CFAP251: variants seen among roughly 807,000 people sequenced by gnomAD.
CFAP251 encodes the protein cilia and flagella associated protein 251.
A neutral mutation model predicts 126.7 loss-of-function variants in CFAP251; 93 were observed. That is an observed-to-expected ratio of 0.73 (90% CI 0.62 to 0.87). The LOEUF is 0.87. Among genes scored for constraint, CFAP251 ranks in the 40% least tolerant of loss-of-function variants. CFAP251 has a pLI of 0.00. For synonymous variants in CFAP251, 503 were observed against 506.9 expected (o/e 0.99, Z 0.10); for missense variants, 1,287 against 1,389.2 (o/e 0.93, Z 1.17).
intron 8 of CFAP251, chr12:121,951,213 C>T: frequency 3.6e-6 from 1 of 279,738 alleles, no homozygotes; most frequent in East Asian, 6.0e-5. Flanking sequence ...AGATGTGTTT[C>T]TGCTTGAAGA....
At chr12:121,973,781 C>T (rs1489942641) in intron 17 of CFAP251, among the ~76,000 whole-genome samples, 5 of 152,138 alleles carry the variant, frequency 3.3e-5, no homozygotes, top group Non-Finnish European at 1.5e-5. Flanking sequence ...TTGGAATGGC[C>T]GTATTTACCC....
intron 19 of CFAP251, among the ~76,000 whole-genome samples, chr12:121,987,289 G>T (rs1277724567): frequency 6.7e-6 from 1 of 149,396 alleles, no homozygotes; most frequent in African/African-American, 2.6e-5. Flanking sequence ...AGAGTCCGTG[G>T]CCAGGCCCCT....
At chr12:121,941,453 C>T (rs1374626425) in intron 5 of CFAP251, among the ~76,000 whole-genome samples, 2 of 151,202 alleles carry the variant, frequency 1.3e-5, no homozygotes, top group Non-Finnish European at 2.9e-5. Flanking sequence ...CCCACCTCAG[C>T]CTCCCAAGTA....
rs139634813 is a variant in CFAP251 at position 121,959,414 on chromosome 12, T to G, written c.2133+320T>G. On this transcript the variant is annotated intron_variant, in intron 13 of 21. Coordinates refer to ENST00000288912, the MANE Select transcript of CFAP251 (RefSeq NM_144668.6). ...TATAAGGCAGGTATGTTGGTCTGCC[T>G]TTATGTTGGGAGGGAAAAGCAGTGG... is the stretch of plus-strand genomic sequence containing the variant. The G allele has an allele frequency of 2.0e-3, 423 of 213,608 alleles. 1 individual carries two copies. Among genetic ancestry groups the G allele is most frequent in the African/African-American group, 9.5e-3 (412 of 43,466 alleles). 13.2% of individuals were successfully genotyped at this position (213,608 alleles called of 1,614,324 possible). A position where few individuals can be genotyped will look rare whatever the true frequency, so the allele number is the denominator to read the frequency against.
rs1266565550 is a variant in CFAP251, at chr12:121,959,071, G to A, written c.2110G>A (p.Asp704Asn). Reference protein sequence around the residue: ...TSVTHISFSHDSQYMATADRS... With the variant: ...TSVTHISFSHNSQYMATADRS... ...TGTGACTCATATAAGCTTTTCCCAT[G>A]ACTCCCAGTATATGGCAACTGCTGT... Residue 704 changes from aspartate (D) to asparagine (N), a missense_variant, in exon 13 of 22, where the codon GAC becomes AAC. Coordinates refer to ENST00000288912, the MANE Select transcript of CFAP251 (RefSeq NM_144668.6). The A allele has an allele frequency of 6.2e-7, 1 of 1,605,570 alleles. No homozygotes were observed. Among genetic ancestry groups the A allele is most frequent in the African/African-American group, 1.3e-5 (1 of 74,336 alleles).
intron 6 of CFAP251, 122 bp downstream of exon 6, chr12:121,942,767 C>A: frequency 2.4e-6 from 3 of 1,255,586 alleles, no homozygotes; most frequent in Non-Finnish European, 3.4e-6. Flanking sequence ...AAAGACCAGA[C>A]TCCACAGCAC....
At chr12:121,921,754 C>A (rs1880188548) in intron 2 of CFAP251, 71 bp downstream of exon 2, 2 of 1,417,860 alleles carry the variant, frequency 1.4e-6, no homozygotes, top group Non-Finnish European at 1.9e-6. Flanking sequence ...ATAGGCCAGA[C>A]TATGGGAACA....
chr12:121,981,520 C>T (rs529078317), intron 19 of CFAP251, among the ~76,000 whole-genome samples: 136 of 152,304 alleles, frequency 8.9e-4, no homozygotes, highest in African/African-American at 3.2e-3. Flanking sequence ...GACCCACTGA[C>T]CTGCTCCCGC....
chr12:121,924,927 C>T (rs1226636853), intron 3 of CFAP251, among the ~76,000 whole-genome samples: 2 of 151,898 alleles, frequency 1.3e-5, no homozygotes, highest in African/African-American at 4.8e-5. Context: ...CAGCTTCCTC[C>T]TCCCCCTTTC....
At chr12:121,921,981 G>A (rs1880200399) in intron 2 of CFAP251, among the ~76,000 whole-genome samples, 1 of 151,692 alleles carries the variant, frequency 6.6e-6, no homozygotes. Flanking sequence ...TAGAGATGGG[G>A]TTTCGGTCTT....
intron 19 of CFAP251, among the ~76,000 whole-genome samples, chr12:121,995,788 G>A (rs935950823): frequency 6.6e-6 from 1 of 152,164 alleles, no homozygotes; most frequent in African/African-American, 2.4e-5. Context: ...GCCTGACCTG[G>A]AATGTTGCAT....
chr12:121,923,881 G>A lies in CFAP251; in HGVS notation c.638G>A (p.Arg213Lys), dbSNP rs771922304. 7 of 1,614,156 alleles carry A rather than the reference G, an allele frequency of 4.3e-6. No homozygotes were observed. In the East Asian group the frequency reaches 1.6e-4, roughly 36 times the overall value. Reference sequence around the variant, plus strand: ...AACAGAGAGGAGGGACAAGAAAGGAGAGTATCCGACATCCAGTCCAAAGCA... The same window carrying A: ...AACAGAGAGGAGGGACAAGAAAGGAAAGTATCCGACATCCAGTCCAAAGCA... ...PENREEGQER[R>K]VSDIQSKAGI... The change falls in exon 3 of 22, where the codon AGA (arginine) becomes AAA (lysine). Residue 213 changes from arginine (R) to lysine (K), a missense_variant. By Grantham distance (26) the Arg-to-Lys change is conservative. Transcript: ENST00000288912.
At chr12:121,971,368 C>A (rs1015205967) in intron 17 of CFAP251, among the ~76,000 whole-genome samples, 1 of 152,192 alleles carries the variant, frequency 6.6e-6, no homozygotes, top group African/African-American at 2.4e-5. Flanking sequence ...TAAGCCAGTC[C>A]GTGGGCTTGT....
At chr12:121,931,136 C>T (rs541704544) in intron 3 of CFAP251, among the ~76,000 whole-genome samples, 3 of 152,140 alleles carry the variant, frequency 2.0e-5, no homozygotes, top group East Asian at 1.9e-4. Flanking sequence ...AATTTCACAA[C>T]GTTAGGTGCT....
chr12:121,941,803 G>A (rs566082441), intron 5 of CFAP251, among the ~76,000 whole-genome samples: 15 of 152,228 alleles, frequency 9.9e-5, no homozygotes, highest in African/African-American at 2.2e-4. Flanking sequence ...GGAAAAAGTC[G>A]TAAGGGTGGA....
chr12:121,951,275 T>C (rs1172451746), intron 8 of CFAP251: 1 of 428,028 alleles, frequency 2.3e-6, no homozygotes, highest in Non-Finnish European at 4.2e-6. Context: ...TCATAATCAT[T>C]TGTGGCATTT....
intron 19 of CFAP251, among the ~76,000 whole-genome samples, chr12:121,995,867 G>C (rs1006628275): frequency 1.3e-5 from 2 of 152,176 alleles, no homozygotes; most frequent in Admixed American, 6.5e-5. Context: ...AAAAAAGCAG[G>C]ATGTAAAATT....
Position 121,974,629 on chromosome 12 carries a change from TATTAGAATGATTTCTGATG to T in CFAP251, c.2772-609_2772-591del, listed in dbSNP as rs766763491. 2.2e-4 allele frequency among the ~76,000 whole-genome samples: 33 copies of T among 152,322 alleles called. No homozygotes were observed. The highest frequency in any genetic ancestry group is 4.1e-4 in the South Asian group (2 of 4,826). ...ATTAGCAGTAATCCAGTTAGTGGATTATTAGAATGATTTCTGATGATTAGCCTTTTGTAGGAGGCAAAGT... is the reference window on the plus strand; with the variant it reads ...ATTAGCAGTAATCCAGTTAGTGGATTATTAGCCTTTTGTAGGAGGCAAAGT... On this transcript the variant is annotated intron_variant, in intron 17 of 21. Transcript: ENST00000288912. This position sits in a 1 kb window ranked among gnomAD's most constrained non-coding sequence, Gnocchi z 4.6.
At chr12:121,992,476 C>T (rs1265192893) in intron 19 of CFAP251, 59 of 985,318 alleles carry the variant, frequency 6.0e-5, no homozygotes, top group Non-Finnish European at 7.1e-5. Context: ...AACTCAGGCC[C>T]TTATGAATTC....
Sources: allele counts gnomAD v4.1 joint callset (sites outside exome capture counted in the v4.1 genomes callset), GRCh38; gene constraint gnomAD v4.1.1; non-coding constraint Gnocchi (gnomAD v3.1); transcripts MANE v1.5; gene names NCBI Gene and HGNC (gene_info 2026-07-23, HGNC 2026-07-21).